NARS1: variants seen among roughly 807,000 people sequenced by gnomAD.
NARS1 encodes asparaginyl-tRNA synthetase 1.
In NARS1, 65 loss-of-function variants were observed where a neutral mutation model predicts 79.2. The observed-to-expected ratio is 0.82, with a 90% CI of 0.67 to 1.01. The LOEUF (loss-of-function observed/expected upper bound fraction) is 1.01. Ranked by LOEUF, NARS1 falls within the 50% of genes least tolerant of loss-of-function variation. The pLI, the probability that NARS1 is intolerant of heterozygous loss-of-function variation, is 0.00. For synonymous variants in NARS1, 229 were observed against 238.8 expected, an observed-to-expected ratio of 0.96 and a Z score of 0.38; for missense variants, 649 against 673.8, an observed-to-expected ratio of 0.96 and a Z score of 0.41.
chr18:57,607,655 C>A lies in NARS1; in HGVS notation c.590G>T (p.Gly197Val), dbSNP rs2122431631. The change falls in exon 8 of 14, where the codon GGC (glycine) becomes GTC (valine). Residue 197 changes from glycine to valine, a missense_variant. By Grantham distance (109) the Gly-to-Val change is moderately radical. Coordinates refer to ENST00000256854, the MANE Select transcript of NARS1 (RefSeq NM_004539.4). The stretch of plus-strand genomic sequence containing the variant: ...CCAGAAGTCACAACTCAGCTCATGG[C>A]CACCTGGAGCCTGCATTTTTTAAAA... ...LTPKGKQAPG[G>V]HELSCDFWEL... 2 of 1,607,468 alleles carry A rather than the reference C, an allele frequency of 1.2e-6. No individual in the cohort carries two copies. Among genetic ancestry groups the A allele is most frequent in the Middle Eastern group, 1.7e-4 (1 of 6,018 alleles).
At chr18:57,609,312 T>C (rs2051586086) in intron 7 of NARS1, 45 bp downstream of exon 7, 1 of 1,471,656 alleles carries the variant, frequency 6.8e-7, no homozygotes. Context: ...AACAAACCAA[T>C]AAATAAACTA....
At chr18:57,605,637 A>AT (rs987191992) in intron 11 of NARS1, among the ~76,000 whole-genome samples, 1 of 151,890 alleles carries the variant, frequency 6.6e-6, no homozygotes, top group African/African-American at 2.4e-5. Context: ...AAGAAAAAAA[A>AT]AGAAACTCAC....
intron 13 of NARS1, 64 bp downstream of exon 13, chr18:57,602,291 T>C: frequency 1.3e-6 from 2 of 1,499,262 alleles, no homozygotes; most frequent in Non-Finnish European, 1.8e-6. Flanking sequence ...CTTTTAAAAA[T>C]TTCAATATAT....
At chr18:57,620,711 C>CCTG in intron 1 of NARS1, 60 bp from the exon 2 acceptor site, 1 of 968,346 alleles carries the variant, frequency 1.0e-6, no homozygotes, top group Non-Finnish European at 1.6e-6. Flanking sequence ...CACCTTACTA[C>CCTG]TTTATTCATT....
At chr18:57,606,800 T>G in intron 9 of NARS1, 49 bp from the exon 10 acceptor site, 1 of 1,606,578 alleles carries the variant, frequency 6.2e-7, no homozygotes, top group Non-Finnish European at 8.5e-7. Context: ...TGCACTGGTT[T>G]TTTATCCAGC....
At chr18:57,612,659 C>T (rs2051614201) in intron 5 of NARS1, among the ~76,000 whole-genome samples, 1 of 152,240 alleles carries the variant, frequency 6.6e-6, no homozygotes, top group African/African-American at 2.4e-5. Flanking sequence ...TGGTCTTGAA[C>T]TCCTGACCTC....
chr18:57,605,500 G>A (rs946594058), intron 11 of NARS1, among the ~76,000 whole-genome samples: 5 of 151,736 alleles, frequency 3.3e-5, no homozygotes, highest in Non-Finnish European at 4.4e-5. Context: ...CCAGCTACTC[G>A]GGAGGCTGAG....
At position 57,621,770 on chromosome 18, in the gene NARS1, G is replaced by A; in HGVS notation, c.-53C>T. 2.0e-5 allele frequency: 32 copies of A among 1,613,246 alleles called. No individual in the cohort carries two copies. The highest frequency in any genetic ancestry group is 4.4e-5 in the South Asian group (4 of 91,004). ...GGACACAGACTGCAACACCGACGCCGTCTTATGACTCCAACGTGCACCGGC... is the reference window on the plus strand; with the variant it reads ...GGACACAGACTGCAACACCGACGCCATCTTATGACTCCAACGTGCACCGGC... On this transcript the variant is annotated 5_prime_UTR_variant, in exon 1 of 14. In the 5' UTR this introduces an upstream ATG that the reference lacks. Transcript: ENST00000256854.
chr18:57,602,662 CA>C, intron 12 of NARS1, 149 bp downstream of exon 12: 11 of 1,205,080 alleles, frequency 9.1e-6, no homozygotes, highest in East Asian at 2.5e-5. Flanking sequence ...CAACTTCAAT[CA>C]GGGGAGGGTG....
At chr18:57,608,364 G>A (rs1004182927) in intron 7 of NARS1, among the ~76,000 whole-genome samples, 1 of 148,230 alleles carries the variant, frequency 6.7e-6, no homozygotes, top group Non-Finnish European at 1.5e-5. Flanking sequence ...TTGAACCTGG[G>A]AGGCAGAGGT....
In NARS1 at chr18:57,615,719, A is replaced by T; in HGVS notation, c.264T>A (p.Ser88Arg). The change falls in exon 4 of 14, where the codon AGT (serine) becomes AGA (arginine). Residue 88 changes from serine (S) to arginine (R), a missense_variant. Transcript: ENST00000256854. ...CTTCCAGGTTCTTTTCTCTTCGTAA[A>T]CTATCTTCTGCCTAATTTTAATGAT... ...ESREKKEAEDSLRREKNLEEA... is the reference protein window; with the variant it reads ...ESREKKEAEDRLRREKNLEEA... 2 of 1,612,564 alleles carry T rather than the reference A, an allele frequency of 1.2e-6. No individual in the cohort carries two copies. Among genetic ancestry groups the T allele is most frequent in the Non-Finnish European group, 1.7e-6 (2 of 1,179,502 alleles).
At chr18:57,621,271 T>C (rs1042318639) in intron 1 of NARS1, among the ~76,000 whole-genome samples, 2 of 151,250 alleles carry the variant, frequency 1.3e-5, no homozygotes, top group Admixed American at 6.6e-5. Flanking sequence ...TTTTTTTTTT[T>C]CCTACTGCAC....
intron 1 of NARS1, among the ~76,000 whole-genome samples, chr18:57,621,254 C>CT (rs548152796): frequency 0.039 from 5,450 of 139,300 alleles, 238 homozygotes; most frequent in African/African-American, 0.1. Flanking sequence ...AGGTCTCTCT[C>CT]TTTTTTTTTT....
intron 2 of NARS1, among the ~76,000 whole-genome samples, chr18:57,618,987 G>T (rs1908176405): frequency 1.3e-5 from 2 of 152,164 alleles, no homozygotes; most frequent in African/African-American, 4.8e-5. Flanking sequence ...TGACCTAAAA[G>T]AGAGGAGAAT....
intron 2 of NARS1, among the ~76,000 whole-genome samples, chr18:57,619,168 C>G (rs907269329): frequency 5.3e-5 from 8 of 151,420 alleles, no homozygotes; most frequent in African/African-American, 1.9e-4. Flanking sequence ...AATCACGGCT[C>G]ACTGCAGCCT....
chr18:57,602,604 T>A, intron 12 of NARS1, 118 bp from the exon 13 acceptor site: 1 of 1,265,340 alleles, frequency 7.9e-7, no homozygotes, highest in African/African-American at 1.5e-5. Context: ...GCCACTATGA[T>A]CATGTAATAT....
chr18:57,609,573 C>T, intron 6 of NARS1, 130 bp from the exon 7 acceptor site: 3 of 642,074 alleles, frequency 4.7e-6, no homozygotes, highest in South Asian at 4.2e-5. Flanking sequence ...AGTGAGATGG[C>T]CACTGATTCT....
At chr18:57,609,614 C>T (rs1385432325) in intron 6 of NARS1, among the ~76,000 whole-genome samples, 171 bp from the exon 7 acceptor site, 1 of 152,054 alleles carries the variant, frequency 6.6e-6, no homozygotes, top group Admixed American at 6.6e-5. Flanking sequence ...TTGTGGAAGA[C>T]AGAGGTTTAT....
At chr18:57,615,367 TG>T (rs2051639880) in intron 4 of NARS1, among the ~76,000 whole-genome samples, 1 of 151,894 alleles carries the variant, frequency 6.6e-6, no homozygotes, top group South Asian at 2.1e-4. Flanking sequence ...CCGGGCGTGG[TG>T]GCGGGCGCCT....
Sources: allele counts gnomAD v4.1 joint callset (sites outside exome capture counted in the v4.1 genomes callset), GRCh38; gene constraint gnomAD v4.1.1; transcripts MANE v1.5; gene names NCBI Gene and HGNC (gene_info 2026-07-23, HGNC 2026-07-21).